RAB15: variants seen among roughly 807,000 people sequenced by gnomAD.
RAB15 encodes the protein RAB15, member RAS oncogene family.
A neutral mutation model predicts 31.8 loss-of-function variants in RAB15; 13 were observed. That is an observed-to-expected ratio of 0.41 (90% CI 0.27 to 0.65). The LOEUF is 0.65. Among genes scored for constraint, RAB15 ranks in the 30% least tolerant of loss-of-function variants. The probability of loss-of-function intolerance (pLI) is 0.32; values close to 1 mark genes in which losing one functional copy is unlikely to be tolerated. For synonymous variants in RAB15, 100 were observed against 105.6 expected (o/e 0.95, Z 0.33); for missense variants, 220 against 277.3 (o/e 0.79, Z 1.47).
In RAB15 at chr14:64,962,377, C is replaced by T. The variant is rs1886911030; in HGVS notation, c.124+9576G>A. On this transcript the variant is annotated intron_variant, in intron 1 of 6. Transcript: ENST00000533601. This position sits in a 1 kb window ranked among gnomAD's most constrained non-coding sequence, Gnocchi z 4.2. ...ACTGTTATTGAATGCTTACAATGTG[C>T]CAGGAACTAAGCCAGGTACTAGAAG... Among the ~76,000 whole-genome samples, 3 of 152,112 alleles carry T rather than the reference C, an allele frequency of 2.0e-5. No individual in the cohort carries two copies. In the South Asian group the frequency reaches 6.2e-4, roughly 31 times the overall value.
intron 1 of RAB15, among the ~76,000 whole-genome samples, chr14:64,959,019 G>A (rs893389423): frequency 6.6e-6 from 1 of 152,208 alleles, no homozygotes; most frequent in African/African-American, 2.4e-5. Context: ...GGGTGACCTG[G>A]CCAGCAGAGG....
intron 1 of RAB15, among the ~76,000 whole-genome samples, chr14:64,960,113 A>G (rs1594945464): frequency 1.3e-5 from 2 of 152,324 alleles, no homozygotes; most frequent in East Asian, 1.9e-4. Flanking sequence ...CCAGGCCACA[A>G]CTGGAGCCCG....
chr14:64,956,157 C>T (rs1566844739), intron 1 of RAB15, among the ~76,000 whole-genome samples: 1 of 152,098 alleles, frequency 6.6e-6, no homozygotes, highest in Admixed American at 6.5e-5. Context: ...AATCCCAAGA[C>T]CTTGGGAGGC....
chr14:64,952,613 A>C lies in RAB15; in HGVS notation c.125-42T>G. 2 of 1,445,752 alleles carry C rather than the reference A, an allele frequency of 1.4e-6. No individual in the cohort carries two copies. The highest frequency in any genetic ancestry group is 1.4e-5 in the African/African-American group (1 of 70,884). The allele number at this position is 1,445,752 out of a possible 1,614,324, so 89.6% of individuals were successfully genotyped here. On this transcript the variant is annotated intron_variant, in intron 1 of 6. Transcript: ENST00000533601. The surrounding 1 kb of genome is among the most constrained non-coding windows in gnomAD (Gnocchi z 4.2). ...AGAAAGAAAGTTAGAAAGCGTACCC[A>C]CGAGAAATGAACAGGAAAGGGCCAG...
intron 1 of RAB15, among the ~76,000 whole-genome samples, chr14:64,960,616 G>T (rs528178875): frequency 2.6e-5 from 4 of 152,208 alleles, no homozygotes; most frequent in African/African-American, 7.2e-5. Flanking sequence ...TTAAGATTGT[G>T]AGATAAGGTG....
chr14:64,950,742 AG>A lies in RAB15; in HGVS notation c.325-329del, dbSNP rs1886202002. The A allele has an allele frequency of 3.3e-6, 2 of 598,182 alleles. No homozygotes were observed. The highest frequency in any genetic ancestry group is 5.5e-5 in the East Asian group (2 of 36,096). 37.1% of individuals were successfully genotyped at this position (598,182 alleles called of 1,614,324 possible). ...CCCAGAGGATTCAAATGGCTTCCCA[AG>A]GCTCCACAGCTATTGTGCAGAGCCA... is the stretch of plus-strand genomic sequence containing the variant. On this transcript the variant is annotated intron_variant, in intron 4 of 6. Coordinates refer to ENST00000533601, the MANE Select transcript of RAB15 (RefSeq NM_001308154.2). This position sits in a 1 kb window ranked among gnomAD's most constrained non-coding sequence, Gnocchi z 5.6.
chr14:64,965,882 C>A (rs1887109800), intron 1 of RAB15, among the ~76,000 whole-genome samples: 1 of 152,118 alleles, frequency 6.6e-6, no homozygotes, highest in Non-Finnish European at 1.5e-5. Flanking sequence ...CGGAAACCCT[C>A]CGCGGGCTTC....
Position 64,950,548 on chromosome 14 carries a change from G to T in RAB15, c.325-134C>A. On this transcript the variant is annotated intron_variant, in intron 4 of 6. Coordinates refer to ENST00000533601, the MANE Select transcript of RAB15 (RefSeq NM_001308154.2). The surrounding 1 kb of genome is among the most constrained non-coding windows in gnomAD (Gnocchi z 5.6). ...GACAGGGTGGGCCGACTGGATGCAG[G>T]TGCCAGGCTCCCCCAAGTGCCATGG... 1.3e-6 allele frequency: 1 copy of T among 772,654 alleles called. No homozygotes were observed. The highest frequency in any genetic ancestry group is 1.9e-5 in the Admixed American group (1 of 52,850). 47.9% of individuals were successfully genotyped at this position (772,654 alleles called of 1,614,324 possible).
intron 1 of RAB15, among the ~76,000 whole-genome samples, chr14:64,965,689 T>C (rs1887097501): frequency 6.6e-6 from 1 of 151,936 alleles, no homozygotes; most frequent in Non-Finnish European, 1.5e-5. Flanking sequence ...GCAATCAGGG[T>C]AGAAGGATAA....
chr14:64,961,195 G>A (rs185514329), intron 1 of RAB15, among the ~76,000 whole-genome samples: 3 of 152,322 alleles, frequency 2.0e-5, no homozygotes, highest in Admixed American at 1.3e-4. Context: ...CAGTTACCAA[G>A]CACAGGTCCC....
rs778390842 is a variant in RAB15, at chr14:64,969,014, G to T, written c.124+2939C>A. On this transcript the variant is annotated intron_variant, in intron 1 of 6. Transcript: ENST00000533601. ...TACACAGTAAATCACAAAAGTACTG[G>T]CCTAGGTGATATCCACATGAGCCAA... is the stretch of plus-strand genomic sequence containing the variant. 1.6e-4 allele frequency among the ~76,000 whole-genome samples: 25 copies of T among 152,324 alleles called. 2 individuals are homozygous for T. The South Asian group carries it at 2.3e-3, about 14-fold the overall frequency.
Position 64,953,411 on chromosome 14 carries a change from C to T in RAB15, c.125-840G>A, listed in dbSNP as rs1886371282. 6.6e-6 allele frequency among the ~76,000 whole-genome samples: 1 copy of T among 152,140 alleles called. No homozygotes were observed. The highest frequency in any genetic ancestry group is 1.5e-5 in the Non-Finnish European group (1 of 68,024). ...GCAGCTGTCATGAGCTAGTGCAGGGCCGGGTACATGCGGGTGCTTATGAGT... is the reference window on the plus strand; with the variant it reads ...GCAGCTGTCATGAGCTAGTGCAGGGTCGGGTACATGCGGGTGCTTATGAGT... On this transcript the variant is annotated intron_variant, in intron 1 of 6. Coordinates refer to ENST00000533601, the MANE Select transcript of RAB15 (RefSeq NM_001308154.2). The surrounding 1 kb of genome is among the most constrained non-coding windows in gnomAD (Gnocchi z 4.6).
Position 64,971,625 on chromosome 14 carries a change from TA to T in RAB15, c.124+327del, listed in dbSNP as rs1481241342. ...CCTCCCCCTGGGGGTGTGGGGATGT[TA>T]TTCCAGCGGCTACGATTCTTGCTAC... On this transcript the variant is annotated intron_variant, in intron 1 of 6. Coordinates refer to ENST00000533601, the MANE Select transcript of RAB15 (RefSeq NM_001308154.2). This position sits in a 1 kb window ranked among gnomAD's most constrained non-coding sequence, Gnocchi z 4.1. 6.6e-6 allele frequency among the ~76,000 whole-genome samples: 1 copy of T among 151,866 alleles called. No homozygotes were observed. Among genetic ancestry groups the T allele is most frequent in the African/African-American group, 2.4e-5 (1 of 41,314 alleles).
chr14:64,961,804 A>T (rs908411202), intron 1 of RAB15, among the ~76,000 whole-genome samples: 3 of 152,072 alleles, frequency 2.0e-5, no homozygotes, highest in African/African-American at 7.2e-5. Context: ...AGTTACTCAG[A>T]AGACTGAGGT....
intron 1 of RAB15, among the ~76,000 whole-genome samples, chr14:64,969,460 C>G (rs1887314208): frequency 6.6e-6 from 1 of 152,164 alleles, no homozygotes. Context: ...CCTTAATAAG[C>G]TTTAAATAAG....
In RAB15 at chr14:64,948,567, C is replaced by T; in HGVS notation, c.481-55G>A. The T allele has an allele frequency of 6.2e-7, 1 of 1,601,958 alleles. No individual in the cohort carries two copies. The highest frequency in any genetic ancestry group is 1.1e-5 in the South Asian group (1 of 89,398). On this transcript the variant is annotated intron_variant, in intron 6 of 6. Coordinates refer to ENST00000533601, the MANE Select transcript of RAB15 (RefSeq NM_001308154.2). The surrounding 1 kb of genome is among the most constrained non-coding windows in gnomAD (Gnocchi z 7.0). ...GTGTCTCCTCCTCTCCCCTGGCAAC[C>T]CTGCAGCGGCCTGAGGGATAAGGTC... is the stretch of plus-strand genomic sequence containing the variant.
Position 64,968,257 on chromosome 14 carries a change from C to T in RAB15, c.124+3696G>A, listed in dbSNP as rs1430677680. On this transcript the variant is annotated intron_variant, in intron 1 of 6. Transcript: ENST00000533601. This position sits in a 1 kb window ranked among gnomAD's most constrained non-coding sequence, Gnocchi z 4.9. ...TGTTGCATCTAAACTGCCTAGAGCC[C>T]CACGGACACCTACTCAATCCCACCT... 6.6e-6 allele frequency among the ~76,000 whole-genome samples: 1 copy of T among 152,126 alleles called. No homozygotes were observed. Among genetic ancestry groups the T allele is most frequent in the Non-Finnish European group, 1.5e-5 (1 of 68,030 alleles).
rs777388781 is a variant in RAB15 at position 64,951,125 on chromosome 14, G to A, written c.273C>T (p.Ser91=). The A allele has an allele frequency of 6.2e-7, 1 of 1,612,562 alleles. No individual in the cohort carries two copies. Among genetic ancestry groups the A allele is most frequent in the South Asian group, 1.1e-5 (1 of 91,084 alleles). ...AQGIFLVYDI[S]SERSYQHIMK... is the part of the protein sequence containing the mutation. ...TGATGTGCTGGTAAGAGCGCTCGCT[G>A]CTAATGTCATAGACCAAAAATATCC... The change falls in exon 4 of 7, where the codon AGC becomes AGT. Residue 91 remains serine, a synonymous_variant. Coordinates refer to ENST00000533601, the MANE Select transcript of RAB15 (RefSeq NM_001308154.2). The surrounding 1 kb of genome is among the most constrained non-coding windows in gnomAD (Gnocchi z 7.2).
rs566579238 is a variant in RAB15, at chr14:64,972,157, C to G, written c.-81G>C. 1.7e-6 allele frequency: 2 copies of G among 1,165,926 alleles called. No homozygotes were observed. The highest frequency in any genetic ancestry group is 9.1e-5 in the Admixed American group (2 of 22,014). 72.2% of individuals were successfully genotyped at this position (1,165,926 alleles called of 1,614,324 possible). ...CGCCGCTGCCATCGCGGCCCGCGCC[C>G]GCCCGGGGACGCTGCGGGCGGCGAG... On this transcript the variant is annotated 5_prime_UTR_variant, in exon 1 of 7. Transcript: ENST00000533601. This position sits in a 1 kb window ranked among gnomAD's most constrained non-coding sequence, Gnocchi z 6.3.
Sources: allele counts gnomAD v4.1 joint callset (sites outside exome capture counted in the v4.1 genomes callset), GRCh38; gene constraint gnomAD v4.1.1; non-coding constraint Gnocchi (gnomAD v3.1); transcripts MANE v1.5; gene names NCBI Gene and HGNC (gene_info 2026-07-23, HGNC 2026-07-21).